Variants in SCN9A observed in about 807,000 individuals in gnomAD.
SCN9A encodes the protein sodium voltage-gated channel alpha subunit 9.
In SCN9A, 131 loss-of-function variants were observed where a neutral mutation model predicts 187.0. The ratio of observed to expected loss-of-function variants is 0.70; its 90% CI spans 0.61 to 0.81. The LOEUF is 0.81. Among genes scored for constraint, SCN9A ranks in the 30% least tolerant of loss-of-function variants. The pLI is 0.00. For synonymous variants in SCN9A, 809 were observed against 808.6 expected (o/e 1.00, Z -0.01); for missense variants, 2,252 against 2,396.6 (o/e 0.94, Z 1.26).
intron 26 of SCN9A, among the ~76,000 whole-genome samples, chr2:166,203,127 T>C (rs1693623029): frequency 6.6e-6 from 1 of 151,820 alleles, no homozygotes; most frequent in Non-Finnish European, 1.5e-5. Context: ...GGTGATAATA[T>C]GCTTTTCCAA....
Position 166,272,661 on chromosome 2 carries a change from A to G in SCN9A, c.3089T>C (p.Leu1030Pro), listed in dbSNP as rs200958860. The change falls in exon 17 of 27, where the codon CTG (leucine) becomes CCG (proline). Residue 1030 changes from leucine (L) to proline (P), a missense_variant. By Grantham distance (98) the Leu-to-Pro change is moderately conservative (BLOSUM62 -3). Transcript: ENST00000642356. ...ISREIRQAEDLNTKKENYISN... is the reference protein window; with the variant it reads ...ISREIRQAEDPNTKKENYISN... The stretch of plus-strand genomic sequence containing the variant: ...AATATAGTTTTCCTTCTTAGTATTC[A>G]GATCTTCTGCTTGTCTTATCTCCCT... The G allele has an allele frequency of 2.3e-5, 37 of 1,612,526 alleles. No individual in the cohort carries two copies. In the South Asian group the frequency reaches 4.0e-4, roughly 17 times the overall value.
rs532756083 is a variant in SCN9A at position 166,345,779 on chromosome 2, T to TC, written c.-51+29917dup. 6.4e-4 allele frequency among the ~76,000 whole-genome samples: 98 copies of TC among 152,234 alleles called. No individual in the cohort carries two copies. The South Asian group carries it at 0.019, about 30-fold the overall frequency. The stretch of plus-strand genomic sequence containing the variant: ...TATATTTTCCGCTACTACTACCTCC[T>TC]CCCCAAATAAAATAAACGGGGCCTA... On this transcript the variant is annotated intron_variant, in intron 1 of 26. Coordinates refer to ENST00000642356, the MANE Select transcript of SCN9A (RefSeq NM_001365536.1).
intron 8 of SCN9A, among the ~76,000 whole-genome samples, chr2:166,294,034 A>G (rs1239215061): frequency 6.6e-6 from 1 of 152,180 alleles, no homozygotes; most frequent in Non-Finnish European, 1.5e-5. Context: ...ATAGGGGGAA[A>G]AGCAAGAGCT....
intron 21 of SCN9A, among the ~76,000 whole-genome samples, chr2:166,231,547 G>GGTTTTTTT (rs1491461839): frequency 1.6e-5 from 1 of 64,328 alleles, no homozygotes; most frequent in African/African-American, 6.3e-5. Flanking sequence ...CCAAGAATTT[G>GGTTTTTTT]CTTTTTTTTT....
At chr2:166,364,232 G>A (rs1233599842) in intron 1 of SCN9A, among the ~76,000 whole-genome samples, 2 of 151,338 alleles carry the variant, frequency 1.3e-5, no homozygotes, top group Non-Finnish European at 2.9e-5. Context: ...TTGCTGATAG[G>A]AATATAAAAT....
At chr2:166,372,601 C>T (rs756277853) in intron 1 of SCN9A, among the ~76,000 whole-genome samples, 3 of 151,952 alleles carry the variant, frequency 2.0e-5, no homozygotes, top group Non-Finnish European at 4.4e-5. Context: ...AAATTACTTA[C>T]CTTTAAGTAC....
chr2:166,286,306 G>A, intron 11 of SCN9A, 30 bp downstream of exon 11: 1 of 1,578,322 alleles, frequency 6.3e-7, no homozygotes, highest in Non-Finnish European at 8.6e-7. Flanking sequence ...TCTGCCTCGG[G>A]TGATACACAT....
chr2:166,294,343 A>G lies in SCN9A; in HGVS notation c.965+256T>C, dbSNP rs139737106. Among the ~76,000 whole-genome samples the G allele has an allele frequency of 4.2e-3, 639 of 152,210 alleles. 2 individuals are homozygous for G. Among genetic ancestry groups the G allele is most frequent in the Non-Finnish European group, 5.5e-3 (371 of 68,014 alleles). ...TTTGGTGGAGTTTTCTAGAAGTAAC[A>G]TTTTCTACCTTCTTAAGATTTATAT... On this transcript the variant is annotated intron_variant, in intron 8 of 26. Coordinates refer to ENST00000642356, the MANE Select transcript of SCN9A (RefSeq NM_001365536.1).
intron 7 of SCN9A, 172 bp from the exon 8 acceptor site, chr2:166,294,834 T>C (rs1163577106): frequency 2.2e-6 from 1 of 461,496 alleles, no homozygotes; most frequent in Admixed American, 3.9e-5. Context: ...AAATATTTAT[T>C]GATAATCTCT....
intron 5 of SCN9A, among the ~76,000 whole-genome samples, chr2:166,304,877 C>A (rs1698702601): frequency 6.6e-6 from 1 of 152,046 alleles, no homozygotes; most frequent in Non-Finnish European, 1.5e-5. Flanking sequence ...TACTGAAAAA[C>A]ACTGAATTGT....
rs113518536 is a variant in SCN9A, at chr2:166,346,545, T to C, written c.-51+29152A>G. On this transcript the variant is annotated intron_variant, in intron 1 of 26. Transcript: ENST00000642356. ...CTCTAGGGGCATTTCTCCTAATAAA[T>C]GTGAGATGCTCTGCTCAAGCTGGGA... Among the ~76,000 whole-genome samples, 1,354 of 152,242 alleles carry C rather than the reference T, an allele frequency of 8.9e-3. 21 individuals are homozygous for C. The highest frequency in any genetic ancestry group is 0.03 in the African/African-American group (1,227 of 41,552).
chr2:166,229,790 C>G (rs1165031503), intron 21 of SCN9A, among the ~76,000 whole-genome samples: 5 of 152,152 alleles, frequency 3.3e-5, no homozygotes, highest in African/African-American at 1.2e-4. Flanking sequence ...ACCAGTTTGT[C>G]TTTGCCACTC....
intron 17 of SCN9A, among the ~76,000 whole-genome samples, chr2:166,259,045 A>C (rs1696396963): frequency 6.6e-6 from 1 of 151,794 alleles, no homozygotes; most frequent in East Asian, 1.9e-4. Context: ...ATCACAAAAA[A>C]ATAATCAAAT....
intron 26 of SCN9A, among the ~76,000 whole-genome samples, chr2:166,200,574 C>G (rs1402160429): frequency 6.6e-6 from 1 of 152,162 alleles, no homozygotes; most frequent in Non-Finnish European, 1.5e-5. Context: ...AGACATTTTT[C>G]TGTGCAAGCA....
chr2:166,353,224 A>G (rs1700081903), intron 1 of SCN9A, among the ~76,000 whole-genome samples: 1 of 146,482 alleles, frequency 6.8e-6, no homozygotes, highest in Non-Finnish European at 1.5e-5. Flanking sequence ...CCTGTTTCCA[A>G]AAAAAAAAAA....
intron 1 of SCN9A, among the ~76,000 whole-genome samples, chr2:166,358,951 G>T (rs1044745752): frequency 6.6e-6 from 1 of 152,170 alleles, no homozygotes; most frequent in Non-Finnish European, 1.5e-5. Context: ...TGGCAAAGCA[G>T]TAATCTGAAT....
At chr2:166,306,418 ATCT>A in intron 4 of SCN9A, 89 bp downstream of exon 4, 1 of 764,170 alleles carries the variant, frequency 1.3e-6, no homozygotes, top group South Asian at 1.5e-5. Context: ...AAGATTCCCC[ATCT>A]TCATAAATGC....
In SCN9A at chr2:166,231,548, C is replaced by CTTTT. The variant is rs57067738; in HGVS notation, c.3924+1788_3924+1791dup. Among the ~76,000 whole-genome samples the CTTTT allele has an allele frequency of 8.4e-4, 83 of 98,978 alleles. 2 individuals are homozygous for CTTTT. Among genetic ancestry groups the CTTTT allele is most frequent in the East Asian group, 9.9e-4 (3 of 3,032 alleles). The allele number at this position is 98,978 out of a possible 152,430, so 64.9% of individuals were successfully genotyped here. A position where few individuals can be genotyped will look rare whatever the true frequency, so the allele number is the denominator to read the frequency against. On this transcript the variant is annotated intron_variant, in intron 21 of 26. Transcript: ENST00000642356. ...GTCTGGGGTGAGATCCAAGAATTTG[C>CTTTT]TTTTTTTTTTTTTTTTTTTTTGATA... is the stretch of plus-strand genomic sequence containing the variant.
At chr2:166,222,920 A>G (rs533809426) in intron 24 of SCN9A, among the ~76,000 whole-genome samples, 2 of 120,636 alleles carry the variant, frequency 1.7e-5, no homozygotes, top group African/African-American at 3.5e-5. Flanking sequence ...GACAGAGCGA[A>G]ACTCCGTCTC....
Sources: gnomAD v4.1 joint callset for allele counts (sites outside exome capture counted in the v4.1 genomes callset) on GRCh38, gnomAD v4.1.1 for gene constraint, MANE v1.5 for transcripts, NCBI Gene and HGNC (gene_info 2026-07-23, HGNC 2026-07-21) for gene names.